EPN1: variants seen among roughly 807,000 people sequenced by gnomAD.
The protein encoded by EPN1 is epsin-1.
A neutral mutation model predicts 56.9 loss-of-function variants in EPN1; 25 were observed. The observed-to-expected ratio is 0.44, with a 90% CI of 0.32 to 0.61. The LOEUF is 0.61. Among genes scored for constraint, EPN1 ranks in the 20% least tolerant of loss-of-function variants. EPN1 has a pLI of 0.05. For missense variants in EPN1, 785 were observed against 823.7 expected (o/e 0.95, Z 0.58); for synonymous variants, 411 against 361.8 (o/e 1.14, Z -1.54).
In EPN1 at chr19:55,706,139, T is replaced by TTTC. The variant is rs10638951; in HGVS notation, c.*10790_*10792dup. On this transcript the variant is annotated 3_prime_UTR_variant, in exon 11 of 11. Coordinates refer to ENST00000270460, the MANE Select transcript of EPN1 (RefSeq NM_001130072.2). ...GGTTTATGAGACTGGAGAACTTTGA[T>TTTC]TTCTTCTTCCTCCTCCTCCTCTCTT... 545 of 190,156 alleles carry TTTC rather than the reference T, an allele frequency of 2.9e-3. 10 individuals carry two copies. The East Asian group carries it at 0.052, about 18-fold the overall frequency. 11.8% of individuals were successfully genotyped at this position (190,156 alleles called of 1,614,324 possible). A position where few individuals can be genotyped will look rare whatever the true frequency, so the allele number is the denominator to read the frequency against.
chr19:55,675,980 T>C (rs920968157), intron 1 of EPN1, among the ~76,000 whole-genome samples: 1 of 152,186 alleles, frequency 6.6e-6, no homozygotes, highest in Admixed American at 6.5e-5. Context: ...GTTTTCTGAG[T>C]CTCTGGTGTG....
chr19:55,676,806 C>G (rs558088737), intron 1 of EPN1: 262 of 177,572 alleles, frequency 1.5e-3, no homozygotes, highest in Non-Finnish European at 2.2e-3. Context: ...TCCTTGGCCT[C>G]CTGCCTCCCT....
At chr19:55,677,472 G>T in intron 1 of EPN1, 1 of 787,106 alleles carries the variant, frequency 1.3e-6, no homozygotes, top group Non-Finnish European at 2.0e-6. Flanking sequence ...TATGAGTTTT[G>T]GAGTTCAGGT....
Position 55,700,031 on chromosome 19 carries a change from C to T in EPN1, c.*4675C>T, listed in dbSNP as rs913821229. On this transcript the variant is annotated 3_prime_UTR_variant, in exon 11 of 11. Coordinates refer to ENST00000270460, the MANE Select transcript of EPN1 (RefSeq NM_001130072.2). ...CGCCTCCTGTGTTCACGCCATTCTC[C>T]TGCCTCAGCCTCCCAAGTAGCTGGG... 1.3e-5 allele frequency: 2 copies of T among 151,862 alleles called. No homozygotes were observed. The highest frequency in any genetic ancestry group is 1.3e-4 in the Admixed American group (2 of 15,242). 9.4% of individuals were successfully genotyped at this position (151,862 alleles called of 1,614,324 possible).
At position 55,708,994 on chromosome 19, in the gene EPN1, A is replaced by G; in HGVS notation, c.*13638A>G. On this transcript the variant is annotated 3_prime_UTR_variant, in exon 11 of 11. Coordinates refer to ENST00000270460, the MANE Select transcript of EPN1 (RefSeq NM_001130072.2). ...GGTCAGATGGGGAATTTTTTCTTCC[A>G]CAGACATCAGGATCTTCTGAGTTTC... The G allele has an allele frequency of 6.3e-7, 1 of 1,595,282 alleles. No individual in the cohort carries two copies. The highest frequency in any genetic ancestry group is 8.5e-7 in the Non-Finnish European group (1 of 1,172,974).
rs548837890 is a variant in EPN1, at chr19:55,688,382, A to T, written c.479-488A>T. 8.6e-5 allele frequency among the ~76,000 whole-genome samples: 13 copies of T among 151,800 alleles called. No homozygotes were observed. The South Asian group carries it at 2.7e-3, about 32-fold the overall frequency. ...GGGCTCCTCGCTAGCCCACTCCCTA[A>T]CCCCGACTAGGCCTTGGATCCCGCT... On this transcript the variant is annotated intron_variant, in intron 3 of 10. Transcript: ENST00000270460.
In EPN1 at chr19:55,691,795, T is replaced by C. The variant is rs546384924; in HGVS notation, c.804T>C (p.Ala268=). Residue 268 remains alanine (A), a synonymous_variant, in exon 7 of 11, where the codon GCT becomes GCC. Coordinates refer to ENST00000270460, the MANE Select transcript of EPN1 (RefSeq NM_001130072.2). The surrounding 1 kb of genome is among the most constrained non-coding windows in gnomAD (Gnocchi z 5.6). ...MDLADVFTAP[A]PAPTTDPWGG... ...TTGCTGACGTCTTCACGGCCCCAGCTCCTGCCCCGACCACAGACCCCTGGG... is the reference window on the plus strand; with the variant it reads ...TTGCTGACGTCTTCACGGCCCCAGCCCCTGCCCCGACCACAGACCCCTGGG... 9.9e-6 allele frequency: 16 copies of C among 1,612,688 alleles called. No homozygotes were observed. The highest frequency in any genetic ancestry group is 3.3e-4 in the Middle Eastern group (2 of 6,056).
Position 55,709,191 on chromosome 19 carries a change from T to G in EPN1, c.*13835T>G. The G allele has an allele frequency of 1.8e-6, 1 of 545,310 alleles. No individual in the cohort carries two copies. The highest frequency in any genetic ancestry group is 3.0e-6 in the Non-Finnish European group (1 of 332,804). 33.8% of individuals were successfully genotyped at this position (545,310 alleles called of 1,614,324 possible). A position where few individuals can be genotyped will look rare whatever the true frequency, so the allele number is the denominator to read the frequency against. ...TTGTACTGAATTTGAAAAACAAGCA[T>G]GAATCTTTCCTATAGGATAGGAAGC... On this transcript the variant is annotated 3_prime_UTR_variant, in exon 11 of 11. Coordinates refer to ENST00000270460, the MANE Select transcript of EPN1 (RefSeq NM_001130072.2).
In EPN1 at chr19:55,692,036, G is replaced by T; in HGVS notation, c.1045G>T (p.Asp349Tyr). 6.9e-7 allele frequency: 1 copy of T among 1,454,660 alleles called. No individual in the cohort carries two copies. The highest frequency in any genetic ancestry group is 9.0e-7 in the Non-Finnish European group (1 of 1,110,022). 90.1% of individuals were successfully genotyped at this position (1,454,660 alleles called of 1,614,324 possible). The stretch of plus-strand genomic sequence containing the variant: ...TGCAGCTGGGGAGGGGCCCACGCCT[G>T]ATCCATGGGGAAGTTCCGATGGTGA... ...APAAGEGPTP[D>Y]PWGSSDGGVP... The change falls in exon 7 of 11, where the codon GAT (aspartate) becomes TAT (tyrosine). Residue 349 changes from aspartate (D) to tyrosine (Y), a missense_variant. By Grantham distance (160) the Asp-to-Tyr change is radical. Coordinates refer to ENST00000270460, the MANE Select transcript of EPN1 (RefSeq NM_001130072.2).
chr19:55,707,608 T>C lies in EPN1; in HGVS notation c.*12252T>C, dbSNP rs906850265. 1.9e-5 allele frequency: 3 copies of C among 154,602 alleles called. No homozygotes were observed. In the South Asian group the frequency reaches 6.1e-4, roughly 31 times the overall value. 9.6% of individuals were successfully genotyped at this position (154,602 alleles called of 1,614,324 possible). A position where few individuals can be genotyped will look rare whatever the true frequency, so the allele number is the denominator to read the frequency against. On this transcript the variant is annotated 3_prime_UTR_variant, in exon 11 of 11. Transcript: ENST00000270460. ...TTTCAGAACAATGTCCTAAGAACCA[T>C]AGGGGAAGTGGCCATAAAAACCATC...
rs754039807 is a variant in EPN1, at chr19:55,678,538, TG to T, written c.-89del. On this transcript the variant is annotated 5_prime_UTR_variant, in exon 2 of 11. Transcript: ENST00000270460. ...TCTTCCCCTCGCAGATGCGGTGACC[TG>T]CCAGCACCTGCCGCAGCCTTCGTCC... 1 of 1,543,780 alleles carries T rather than the reference TG, an allele frequency of 6.5e-7. No individual in the cohort carries two copies. Among genetic ancestry groups the T allele is most frequent in the African/African-American group, 1.4e-5 (1 of 73,068 alleles).
At position 55,709,214 on chromosome 19, in the gene EPN1, AGCCTC is replaced by A; in HGVS notation, c.*13859_*13863del. ...CATGAATCTTTCCTATAGGATAGGA[AGCCTC>A]TGATTTATACCATAAAGTGAAATTT... On this transcript the variant is annotated 3_prime_UTR_variant, in exon 11 of 11. Coordinates refer to ENST00000270460, the MANE Select transcript of EPN1 (RefSeq NM_001130072.2). 1 of 470,218 alleles carries A rather than the reference AGCCTC, an allele frequency of 2.1e-6. No individual in the cohort carries two copies. Among genetic ancestry groups the A allele is most frequent in the Non-Finnish European group, 3.7e-6 (1 of 273,292 alleles). The allele number at this position is 470,218 out of a possible 1,614,324, so 29.1% of individuals were successfully genotyped here.
At chr19:55,686,867 C>T (rs540692301) in intron 3 of EPN1, among the ~76,000 whole-genome samples, 16 of 150,666 alleles carry the variant, frequency 1.1e-4, no homozygotes, top group Non-Finnish European at 2.4e-4. Context: ...GGCAGTAGCT[C>T]GGAGGAGAGT....
rs1267053576 is a variant in EPN1, at chr19:55,706,314, C to T, written c.*10958C>T. The T allele has an allele frequency of 1.4e-4, 18 of 129,870 alleles. No individual in the cohort carries two copies. Among genetic ancestry groups the T allele is most frequent in the East Asian group, 4.5e-4 (2 of 4,438 alleles). The allele number at this position is 129,870 out of a possible 1,614,324, so 8.0% of individuals were successfully genotyped here. A position where few individuals can be genotyped will look rare whatever the true frequency, so the allele number is the denominator to read the frequency against. ...TTTTTTTTTTTAAAAGACCGTGTTT[C>T]GCTCTGTCACCCAGGCTGGAATGCA... On this transcript the variant is annotated 3_prime_UTR_variant, in exon 11 of 11. Transcript: ENST00000270460.
chr19:55,700,908 C>T lies in EPN1; in HGVS notation c.*5552C>T, dbSNP rs1003385908. 1 of 152,198 alleles carries T rather than the reference C, an allele frequency of 6.6e-6. No individual in the cohort carries two copies. Among genetic ancestry groups the T allele is most frequent in the African/African-American group, 2.4e-5 (1 of 41,434 alleles). 9.4% of individuals were successfully genotyped at this position (152,198 alleles called of 1,614,324 possible). On this transcript the variant is annotated 3_prime_UTR_variant, in exon 11 of 11. Transcript: ENST00000270460. ...CTTGTGTTGTGGGGAATGTTCTCATCCACCCAAATCAAGCATCACTACATC... is the reference window on the plus strand; with the variant it reads ...CTTGTGTTGTGGGGAATGTTCTCATTCACCCAAATCAAGCATCACTACATC...
At chr19:55,681,515 C>T (rs1023136097) in intron 2 of EPN1, among the ~76,000 whole-genome samples, 1 of 152,182 alleles carries the variant, frequency 6.6e-6, no homozygotes, top group African/African-American at 2.4e-5. Flanking sequence ...CCACTCACAG[C>T]CTGTGTTTGT....
Position 55,704,572 on chromosome 19 carries a change from A to G in EPN1, c.*9216A>G, listed in dbSNP as rs566894681. Reference sequence around the variant, plus strand: ...CTGTGAGAAAATCCATTGACGTTCTATAGCGCTCCCAGCTGGCGGTACTTT... The same window carrying G: ...CTGTGAGAAAATCCATTGACGTTCTGTAGCGCTCCCAGCTGGCGGTACTTT... On this transcript the variant is annotated 3_prime_UTR_variant, in exon 11 of 11. Coordinates refer to ENST00000270460, the MANE Select transcript of EPN1 (RefSeq NM_001130072.2). 12 of 152,356 alleles carry G rather than the reference A, an allele frequency of 7.9e-5. No homozygotes were observed. In the East Asian group the frequency reaches 1.5e-3, roughly 20 times the overall value. The allele number at this position is 152,356 out of a possible 1,614,324, so 9.4% of individuals were successfully genotyped here. A position where few individuals can be genotyped will look rare whatever the true frequency, so the allele number is the denominator to read the frequency against.
At position 55,703,818 on chromosome 19, in the gene EPN1, G is replaced by C. The variant is rs6509955; in HGVS notation, c.*8462G>C. ...GATGGATTTAAGTTTAAGCACCTGC[G>C]TGTGAGCGGCTACCGCGTGGGCTGG... is the stretch of plus-strand genomic sequence containing the variant. On this transcript the variant is annotated 3_prime_UTR_variant, in exon 11 of 11. Transcript: ENST00000270460. The C allele has an allele frequency of 1.3e-5, 2 of 152,080 alleles. No individual in the cohort carries two copies. Among genetic ancestry groups the C allele is most frequent in the African/African-American group, 4.8e-5 (2 of 41,380 alleles). 9.4% of individuals were successfully genotyped at this position (152,080 alleles called of 1,614,324 possible). A position where few individuals can be genotyped will look rare whatever the true frequency, so the allele number is the denominator to read the frequency against.
chr19:55,682,918 G>A (rs1379990957), intron 2 of EPN1, among the ~76,000 whole-genome samples: 2 of 151,856 alleles, frequency 1.3e-5, no homozygotes, highest in Non-Finnish European at 2.9e-5. Context: ...CACCACGCCT[G>A]GCTAATTTTT....
Sources: gnomAD v4.1 joint callset for allele counts (sites outside exome capture counted in the v4.1 genomes callset) on GRCh38, gnomAD v4.1.1 for gene constraint, Gnocchi (gnomAD v3.1) non-coding constraint, MANE v1.5 for transcripts, NCBI Gene and HGNC (gene_info 2026-07-23, HGNC 2026-07-21) for gene names.